Variants in MFSD8 observed in about 807,000 individuals in gnomAD.
MFSD8 encodes major facilitator superfamily domain-containing protein 8.
MFSD8 carries 55 observed loss-of-function variants against 66.4 expected under a neutral mutation model. That is an observed-to-expected ratio of 0.83 (90% CI 0.67 to 1.04). The LOEUF (loss-of-function observed/expected upper bound fraction) is 1.04, where lower values mean the gene tolerates loss of function less well. Among genes scored for constraint, MFSD8 ranks in the 50% least tolerant of loss-of-function variants. MFSD8 has a pLI of 0.00. For missense variants in MFSD8, 550 were observed against 627.6 expected, an observed-to-expected ratio of 0.88 and a Z score of 1.32; for synonymous variants, 202 against 212.8, an observed-to-expected ratio of 0.95 and a Z score of 0.44.
At chr4:127,965,648 T>C (rs1469260940), upstream of MFSD8, 3 of 182,362 alleles carry the variant, frequency 1.6e-5, no homozygotes, top group East Asian at 1.5e-4. Flanking sequence ...CGCTAAGAGC[T>C]CCCCGCGCCT....
At chr4:127,955,848 G>C (rs1363634290) in intron 2 of MFSD8, among the ~76,000 whole-genome samples, 3 of 152,190 alleles carry the variant, frequency 2.0e-5, no homozygotes, top group Admixed American at 2.0e-4. Flanking sequence ...GCCAGGCGGG[G>C]TGGCTCACGC....
At chr4:127,957,231 C>T (rs1459456981) in intron 2 of MFSD8, among the ~76,000 whole-genome samples, 1 of 151,950 alleles carries the variant, frequency 6.6e-6, no homozygotes, top group Non-Finnish European at 1.5e-5. Context: ...ACAAAGTTTG[C>T]TAGGGCTTGG....
intron 6 of MFSD8, chr4:127,939,635 T>G (rs892743936): frequency 2.7e-4 from 78 of 285,950 alleles, no homozygotes; most frequent in Non-Finnish European, 2.3e-4. Context: ...AAAAAAAACT[T>G]TGAATCTTCA....
chr4:127,964,826 C>G (rs890853182), intron 1 of MFSD8: 2 of 602,658 alleles, frequency 3.3e-6, no homozygotes, highest in Admixed American at 2.8e-5. Context: ...ACAGGCAAAG[C>G]AGCAGCCTGG....
At chr4:127,926,249 G>T (rs1308184827) in intron 9 of MFSD8, among the ~76,000 whole-genome samples, 1 of 34,146 alleles carries the variant, frequency 2.9e-5, no homozygotes, top group Non-Finnish European at 6.2e-5. Flanking sequence ...GGTGGCTCAC[G>T]CCTGTAATCC....
chr4:127,928,715 A>G (rs1299250112), intron 9 of MFSD8, among the ~76,000 whole-genome samples: 1 of 152,236 alleles, frequency 6.6e-6, no homozygotes, highest in Non-Finnish European at 1.5e-5. Context: ...GAACTGCCAT[A>G]TGAACCAGCA....
At chr4:127,943,498 G>T in intron 4 of MFSD8, 1 of 433,802 alleles carries the variant, frequency 2.3e-6, no homozygotes. Context: ...GGTATTATAG[G>T]CACGTGCCAC....
chr4:127,962,234 G>C (rs755382433), intron 1 of MFSD8, among the ~76,000 whole-genome samples: 1 of 152,160 alleles, frequency 6.6e-6, no homozygotes, highest in Non-Finnish European at 1.5e-5. Context: ...TTGGGAGGCT[G>C]AGGTGGGTGG....
At chr4:127,961,940 T>C (rs1383832446) in intron 1 of MFSD8, among the ~76,000 whole-genome samples, 2 of 151,494 alleles carry the variant, frequency 1.3e-5, no homozygotes, top group Non-Finnish European at 2.9e-5. Flanking sequence ...CAGTCAGAAC[T>C]ACCAGGTTGT....
chr4:127,954,452 C>T (rs1742528991), intron 2 of MFSD8, among the ~76,000 whole-genome samples: 1 of 152,062 alleles, frequency 6.6e-6, no homozygotes, highest in Non-Finnish European at 1.5e-5. Flanking sequence ...CCCGTCTCTA[C>T]TAAAAATACA....
chr4:127,959,347 A>C (rs573165974), intron 1 of MFSD8, among the ~76,000 whole-genome samples: 2 of 152,336 alleles, frequency 1.3e-5, no homozygotes, highest in Admixed American at 1.3e-4. Context: ...CCTAACAACA[A>C]ATGCATAAAC....
chr4:127,947,579 A>G (rs904914839), intron 3 of MFSD8, among the ~76,000 whole-genome samples: 7 of 148,106 alleles, frequency 4.7e-5, no homozygotes, highest in Non-Finnish European at 7.5e-5. Flanking sequence ...CTCCATTGCA[A>G]AAAAAAAAAA....
At chr4:127,961,753 G>C (rs951761928) in intron 1 of MFSD8, among the ~76,000 whole-genome samples, 2 of 150,506 alleles carry the variant, frequency 1.3e-5, no homozygotes, top group African/African-American at 4.9e-5. Flanking sequence ...CCCGGGAGGC[G>C]GAGCTTGCAG....
intron 2 of MFSD8, among the ~76,000 whole-genome samples, chr4:127,955,305 G>A (rs1443443408): frequency 6.6e-6 from 1 of 152,126 alleles, no homozygotes; most frequent in African/African-American, 2.4e-5. Flanking sequence ...CACTTTGGGA[G>A]GCTGAGGCCG....
chr4:127,960,916 G>T (rs1743630743), intron 1 of MFSD8, among the ~76,000 whole-genome samples: 1 of 151,998 alleles, frequency 6.6e-6, no homozygotes, highest in Admixed American at 6.6e-5. Flanking sequence ...AAAAAATTTT[G>T]TGGAATTTGT....
chr4:127,941,639 T>G (rs1198850867), intron 5 of MFSD8, among the ~76,000 whole-genome samples: 1 of 152,088 alleles, frequency 6.6e-6, no homozygotes, highest in Non-Finnish European at 1.5e-5. Flanking sequence ...TTTTTGTATT[T>G]TTAGTAGAGA....
At chr4:127,962,606 G>C (rs1743981500) in intron 1 of MFSD8, among the ~76,000 whole-genome samples, 1 of 151,338 alleles carries the variant, frequency 6.6e-6, no homozygotes, top group African/African-American at 2.4e-5. Flanking sequence ...ATAAAATCAA[G>C]TAAAGATAAA....
intron 4 of MFSD8, 158 bp downstream of exon 4, chr4:127,943,594 A>T: frequency 1.2e-6 from 1 of 836,860 alleles, no homozygotes; most frequent in Non-Finnish European, 1.9e-6. Context: ...TCATGAGCAA[A>T]GGCAAAATGA....
intron 2 of MFSD8, among the ~76,000 whole-genome samples, chr4:127,956,234 G>A (rs965364638): frequency 6.6e-6 from 1 of 151,992 alleles, no homozygotes; most frequent in Non-Finnish European, 1.5e-5. Context: ...GGCCAGGTGC[G>A]GTGGCTCAGG....
Sources: gnomAD v4.1 joint callset for allele counts (sites outside exome capture counted in the v4.1 genomes callset) on GRCh38, gnomAD v4.1.1 for gene constraint, MANE v1.5 for transcripts, NCBI Gene and HGNC (gene_info 2026-07-23, HGNC 2026-07-21) for gene names.